Variants in SAAL1 observed in about 807,000 individuals in gnomAD.
SAAL1 encodes serum amyloid A like 1.
Under a neutral mutation model 59.8 loss-of-function variants are expected in SAAL1, and 42 were observed. That is an observed-to-expected ratio of 0.70 (90% CI 0.55 to 0.91). The LOEUF is 0.91. Ranked by LOEUF, SAAL1 falls within the 40% of genes least tolerant of loss-of-function variation. The pLI, the probability that SAAL1 is intolerant of heterozygous loss-of-function variation, is 0.00. For missense variants in SAAL1, 542 were observed against 561.1 expected, an observed-to-expected ratio of 0.97 and a Z score of 0.34; for synonymous variants, 191 against 194.3, an observed-to-expected ratio of 0.98 and a Z score of 0.14.
intron 4 of SAAL1, 97 bp downstream of exon 4, chr11:18,092,148 G>A: frequency 1.6e-6 from 1 of 639,818 alleles, no homozygotes; most frequent in South Asian, 2.2e-5. Context: ...ACAAAGAAAG[G>A]ACTGTCTTTC....
chr11:18,081,761 T>TC (rs1302629416), intron 10 of SAAL1: 3 of 397,546 alleles, frequency 7.5e-6, no homozygotes, highest in Non-Finnish European at 1.4e-5. Flanking sequence ...CTTTTCCTTC[T>TC]CCCCTCCTGC....
chr11:18,103,514 A>G (rs907271123), intron 1 of SAAL1, among the ~76,000 whole-genome samples, 168 bp from the exon 2 acceptor site: 4 of 152,238 alleles, frequency 2.6e-5, no homozygotes, highest in African/African-American at 7.2e-5. Context: ...GTTCTCCCCA[A>G]GAGTGCATGA....
At chr11:18,100,593 C>CA (rs1417255437) in intron 2 of SAAL1, among the ~76,000 whole-genome samples, 2 of 151,648 alleles carry the variant, frequency 1.3e-5, no homozygotes, top group Non-Finnish European at 2.9e-5. Flanking sequence ...GACTCTGTCT[C>CA]AAAAAAAATT....
At chr11:18,090,560 TA>T (rs1174221015) in intron 4 of SAAL1, 67 bp from the exon 5 acceptor site, 3 of 1,537,400 alleles carry the variant, frequency 2.0e-6, no homozygotes, top group Non-Finnish European at 2.6e-6. Context: ...AGTTTTCATT[TA>T]ATTTTTTGAA....
At chr11:18,089,199 G>A (rs980349727) in intron 7 of SAAL1, 131 bp downstream of exon 7, 14 of 722,656 alleles carry the variant, frequency 1.9e-5, no homozygotes, top group Admixed American at 3.8e-5. Flanking sequence ...AATAGTAGTA[G>A]TGAATTAACG....
chr11:18,097,797 G>T (rs1373984530), intron 2 of SAAL1, among the ~76,000 whole-genome samples: 1 of 150,014 alleles, frequency 6.7e-6, no homozygotes, highest in Non-Finnish European at 1.5e-5. Context: ...CCATGACTTT[G>T]CCACTGTACT....
At chr11:18,097,850 A>C (rs1001126247) in intron 2 of SAAL1, among the ~76,000 whole-genome samples, 2 of 133,750 alleles carry the variant, frequency 1.5e-5, no homozygotes. Flanking sequence ...AAAAAAAAAA[A>C]AAGGTAAAAC....
intron 10 of SAAL1, among the ~76,000 whole-genome samples, chr11:18,082,339 A>G (rs761028245): frequency 6.6e-6 from 1 of 152,244 alleles, no homozygotes; most frequent in Non-Finnish European, 1.5e-5. Context: ...AATCTCATTA[A>G]TTTAAAAATG....
At chr11:18,104,286 C>T (rs147072368) in intron 1 of SAAL1, among the ~76,000 whole-genome samples, 2 of 152,310 alleles carry the variant, frequency 1.3e-5, no homozygotes, top group East Asian at 3.9e-4. Flanking sequence ...CACAAAGAGG[C>T]TATCAGCAAA....
intron 10 of SAAL1, 99 bp from the exon 11 acceptor site, chr11:18,081,602 C>A: frequency 1.1e-6 from 1 of 876,238 alleles, no homozygotes. Flanking sequence ...CTCCTGACTT[C>A]ATAGGCATTT....
intron 3 of SAAL1, 62 bp from the exon 4 acceptor site, chr11:18,092,386 C>T (rs1017500970): frequency 1.6e-5 from 17 of 1,096,050 alleles, no homozygotes; most frequent in Admixed American, 3.8e-5. Context: ...ACAAAAATAT[C>T]AACTTGAACA....
intron 9 of SAAL1, among the ~76,000 whole-genome samples, 189 bp downstream of exon 9, chr11:18,086,677 T>C (rs566955263): frequency 2.0e-5 from 3 of 151,792 alleles, no homozygotes; most frequent in Admixed American, 6.6e-5. Flanking sequence ...CTCCAGCCTG[T>C]GCAACACAGC....
At chr11:18,092,011 G>A (rs368754794) in intron 4 of SAAL1, among the ~76,000 whole-genome samples, 98 of 152,258 alleles carry the variant, frequency 6.4e-4, no homozygotes, top group African/African-American at 2.3e-3. Context: ...ATTGCCACCA[G>A]CTGACAATTC....
chr11:18,091,898 C>T (rs1173504008), intron 4 of SAAL1, among the ~76,000 whole-genome samples: 3 of 152,182 alleles, frequency 2.0e-5, no homozygotes, highest in Non-Finnish European at 2.9e-5. Flanking sequence ...TTTCTGTAGA[C>T]TCCAGCTGAG....
intron 10 of SAAL1, among the ~76,000 whole-genome samples, chr11:18,082,644 T>C (rs1435360979): frequency 6.6e-6 from 1 of 151,726 alleles, no homozygotes; most frequent in Non-Finnish European, 1.5e-5. Flanking sequence ...TTTCATTTTG[T>C]TTTTTGAGAT....
In SAAL1 at chr11:18,092,246, C is replaced by G. The variant is rs1219253268; in HGVS notation, c.412G>C (p.Gly138Arg). 6.5e-7 allele frequency: 1 copy of G among 1,538,642 alleles called. No homozygotes were observed. Among genetic ancestry groups the G allele is most frequent in the South Asian group, 1.1e-5 (1 of 87,500 alleles). Residue 138 changes from glycine (G) to arginine (R), a missense_variant and splice_region_variant, in exon 4 of 12, where the codon GGG (glycine) becomes CGG (arginine). By Grantham distance (125) the Gly-to-Arg change is moderately radical. Coordinates refer to ENST00000524803, the MANE Select transcript of SAAL1 (RefSeq NM_138421.3). ...ACATAATTATATAGTAAGACTTACC[C>G]AAGATTTTTATCACTGCTGATGGAC... The part of the protein sequence containing the change: ...CVSISSDKNL[G>R]QVLLHCLYDS...
chr11:18,087,316 G>C (rs1429264311), intron 7 of SAAL1, 91 bp from the exon 8 acceptor site: 104 of 789,752 alleles, frequency 1.3e-4, no homozygotes. Flanking sequence ...TTATTACTCT[G>C]CCAGCCACTG....
At chr11:18,093,244 T>C (rs538319712) in intron 3 of SAAL1, among the ~76,000 whole-genome samples, 30 of 152,310 alleles carry the variant, frequency 2.0e-4, no homozygotes, top group African/African-American at 7.0e-4. Flanking sequence ...GCAATTTGGA[T>C]ATGCCAAGGA....
intron 9 of SAAL1, among the ~76,000 whole-genome samples, chr11:18,083,981 G>A (rs768947192): frequency 6.6e-6 from 1 of 152,170 alleles, no homozygotes; most frequent in Non-Finnish European, 1.5e-5. Context: ...GCCTAGCAGG[G>A]CTAGCTCTCT....
Sources: allele counts gnomAD v4.1 joint callset (sites outside exome capture counted in the v4.1 genomes callset), GRCh38; gene constraint gnomAD v4.1.1; transcripts MANE v1.5; gene names NCBI Gene and HGNC (gene_info 2026-07-23, HGNC 2026-07-21).